Variants in TMEM63A observed in about 807,000 individuals in gnomAD.
TMEM63A encodes the protein transmembrane protein 63A.
TMEM63A carries 76 observed loss-of-function variants against 100.6 expected under a neutral mutation model. That is an observed-to-expected ratio of 0.76 (90% CI 0.63 to 0.91). TMEM63A has a LOEUF of 0.91. TMEM63A is among the 40% of genes least tolerant of loss of function. The probability of loss-of-function intolerance (pLI) is 0.00; values close to 1 mark genes in which losing one functional copy is unlikely to be tolerated. For synonymous variants in TMEM63A, 401 were observed against 401.1 expected (o/e 1.00, Z 0.00); for missense variants, 876 against 1,008.8 (o/e 0.87, Z 1.78).
chr1:225,864,284 T>G (rs1427476241), intron 10 of TMEM63A: 1 of 152,210 alleles, frequency 6.6e-6, no homozygotes, highest in African/African-American at 2.4e-5. Flanking sequence ...AGGGCCTGGA[T>G]GTGCTTACAT....
At chr1:225,845,126 G>A (rs369727842), downstream of TMEM63A, 30 of 1,613,370 alleles carry the variant, frequency 1.9e-5, no homozygotes, top group Admixed American at 6.7e-5. Context: ...TCACCCCTCC[G>A]TCGGCTCTTT....
downstream of TMEM63A, chr1:225,842,590 T>C: frequency 3.6e-6 from 3 of 829,060 alleles, no homozygotes; most frequent in Non-Finnish European, 6.3e-6. Context: ...ATTCTATTGT[T>C]GGCTTTCTTA....
chr1:225,842,574 C>A, downstream of TMEM63A: 1 of 878,926 alleles, frequency 1.1e-6, no homozygotes, highest in Non-Finnish European at 1.9e-6. Context: ...ATGGGGCACT[C>A]AGCAAATTCT....
chr1:225,865,603 G>A lies in TMEM63A; in HGVS notation c.746+294C>T, dbSNP rs975496417. 1.6e-5 allele frequency: 5 copies of A among 321,262 alleles called. No homozygotes were observed. The highest frequency in any genetic ancestry group is 1.9e-3 in the Middle Eastern group (2 of 1,054). 19.9% of individuals were successfully genotyped at this position (321,262 alleles called of 1,614,324 possible). A position where few individuals can be genotyped will look rare whatever the true frequency, so the allele number is the denominator to read the frequency against. On this transcript the variant is annotated intron_variant, in intron 10 of 24. Transcript: ENST00000366835. This position sits in a 1 kb window ranked among gnomAD's most constrained non-coding sequence, Gnocchi z 4.6. ...CCCGGGGTCAACAATTTTTTCCCCC[G>A]TATGCTCTCAAGACGTTTATTCGCA...
chr1:225,853,576 A>AG lies in TMEM63A; in HGVS notation c.1797+52dup, dbSNP rs1247119078. On this transcript the variant is annotated intron_variant, in intron 19 of 24. Coordinates refer to ENST00000366835, the MANE Select transcript of TMEM63A (RefSeq NM_014698.3). This position sits in a 1 kb window ranked among gnomAD's most constrained non-coding sequence, Gnocchi z 4.0. ...GGGTGAGAGGCCCTCGGGTCAGTGAAGGGGGACATGGGAGGGAGTCAGAGG... is the reference window on the plus strand; with the variant it reads ...GGGTGAGAGGCCCTCGGGTCAGTGAAGGGGGGACATGGGAGGGAGTCAGAGG... The AG allele has an allele frequency of 3.1e-5, 46 of 1,478,166 alleles. No individual in the cohort carries two copies. The highest frequency in any genetic ancestry group is 3.8e-5 in the Non-Finnish European group (42 of 1,107,474). The allele number at this position is 1,478,166 out of a possible 1,614,324, so 91.6% of individuals were successfully genotyped here. A position where few individuals can be genotyped will look rare whatever the true frequency, so the allele number is the denominator to read the frequency against.
chr1:225,880,994 G>A (rs937133057), intron 1 of TMEM63A, among the ~76,000 whole-genome samples: 2 of 152,206 alleles, frequency 1.3e-5, no homozygotes, highest in African/African-American at 4.8e-5. Context: ...TGACAATAGC[G>A]AAACTACAAG....
At chr1:225,875,847 T>A (rs1250150386) in intron 3 of TMEM63A, among the ~76,000 whole-genome samples, 2 of 151,806 alleles carry the variant, frequency 1.3e-5, no homozygotes, top group Non-Finnish European at 2.9e-5. Context: ...GTGAATCGCT[T>A]GAGCTCAGGA....
chr1:225,862,836 C>G lies in TMEM63A; in HGVS notation c.762G>C (p.Thr254=). ...ACAGCTGCACATCAACCACCTCACACGTGGGATACGCGTCCCTGTGGCCAG... is the reference window on the plus strand; with the variant it reads ...ACAGCTGCACATCAACCACCTCACAGGTGGGATACGCGTCCCTGTGGCCAG... ...VESHFRDAYP[T]CEVVDVQLCY... is the part of the protein sequence containing the mutation. Residue 254 remains threonine (T), a synonymous_variant, in exon 11 of 25, where the codon ACG becomes ACC. Transcript: ENST00000366835. This position sits in a 1 kb window ranked among gnomAD's most constrained non-coding sequence, Gnocchi z 5.1. 1 of 1,613,850 alleles carries G rather than the reference C, an allele frequency of 6.2e-7. No individual in the cohort carries two copies. Among genetic ancestry groups the G allele is most frequent in the Non-Finnish European group, 8.5e-7 (1 of 1,179,974 alleles).
chr1:225,855,069 T>C (rs12075664), intron 18 of TMEM63A, among the ~76,000 whole-genome samples: 11,867 of 152,266 alleles, frequency 0.078, 594 homozygotes, highest in East Asian at 0.15. Flanking sequence ...GTCACAGTCA[T>C]CAGCTCCCAA....
In TMEM63A at chr1:225,867,985, G is replaced by A. The variant is rs756872597; in HGVS notation, c.417C>T (p.Tyr139=). 1 of 1,614,182 alleles carries A rather than the reference G, an allele frequency of 6.2e-7. No homozygotes were observed. Among genetic ancestry groups the A allele is most frequent in the East Asian group, 2.2e-5 (1 of 44,884 alleles). ...AGATGATGTGCCTCTGGAAGGACAG[G>A]TAGTGGATGGCGTCCTCCCCACACC... The part of the protein sequence containing the change: ...LEWCGEDAIH[Y]LSFQRHIIFL... The change falls in exon 7 of 25, where the codon TAC becomes TAT. Residue 139 remains tyrosine (Y), a synonymous_variant. Transcript: ENST00000366835. This position sits in a 1 kb window ranked among gnomAD's most constrained non-coding sequence, Gnocchi z 4.6.
rs1297564525 is a variant in TMEM63A, at chr1:225,848,962, T to C, written c.2122A>G (p.Ile708Val). 1.3e-6 allele frequency: 2 copies of C among 1,535,972 alleles called. No homozygotes were observed. The highest frequency in any genetic ancestry group is 2.3e-5 in the South Asian group (2 of 87,930). ...LFTFLVLLLT[I>V]LVCLAHTCFG... The stretch of plus-strand genomic sequence containing the variant: ...CAGGTGTGAGCCAGGCAGACCAGGA[T>C]GGTGAGCAGCAGCACCAGGAAGGTG... The change falls in exon 22 of 25, where the codon ATC (isoleucine) becomes GTC (valine). Residue 708 changes from isoleucine to valine, a missense_variant. Around this residue, in one of 5 missense-constraint regions of TMEM63A, gnomAD observed 339 missense variants for 342.3 expected, o/e 0.99. Transcript: ENST00000366835.
In TMEM63A at chr1:225,877,666, G is replaced by C. The variant is rs111823750; in HGVS notation, c.-14-72C>G. On this transcript the variant is annotated intron_variant, in intron 2 of 24. Transcript: ENST00000366835. ...TTCTTGCAGGTTCCCACCAGTGCTG[G>C]CAGAGCCAAAGGCAGGCGTTTCCCA... 7.6e-6 allele frequency: 11 copies of C among 1,453,404 alleles called. No individual in the cohort carries two copies. In the African/African-American group the frequency reaches 9.9e-5, roughly 13 times the overall value. The allele number at this position is 1,453,404 out of a possible 1,614,324, so 90.0% of individuals were successfully genotyped here.
intron 10 of TMEM63A, chr1:225,863,936 A>C (rs1213085919): frequency 1.3e-5 from 2 of 149,846 alleles, no homozygotes; most frequent in African/African-American, 4.9e-5. Context: ...AAAAAAAAAA[A>C]AAAACCCAGC....
chr1:225,864,388 G>T (rs994154099), intron 10 of TMEM63A: 1 of 152,206 alleles, frequency 6.6e-6, no homozygotes, highest in Non-Finnish European at 1.5e-5. Context: ...GAAGAAAACT[G>T]CAATTTAAGC....
chr1:225,869,741 C>T (rs1220489338), intron 6 of TMEM63A, among the ~76,000 whole-genome samples: 8 of 142,122 alleles, frequency 5.6e-5, no homozygotes, highest in African/African-American at 1.0e-4. Context: ...TGGCTCACTG[C>T]GACCTCCGCC....
Position 225,850,008 on chromosome 1 carries a change from G to C in TMEM63A, c.1975C>G (p.Leu659Val). 6.2e-7 allele frequency: 1 copy of C among 1,614,250 alleles called. No individual in the cohort carries two copies. The highest frequency in any genetic ancestry group is 8.5e-7 in the Non-Finnish European group (1 of 1,180,048). ...NLYFVYLPAK[L>V]EKGIHFAAVN... is the part of the protein sequence containing the mutation. ...GCGGCAAAGTGGATCCCCTTCTCCA[G>C]CTTGGCTGGGAGGTAGACGAAGTAG... The change falls in exon 21 of 25, where the codon CTG becomes GTG. Residue 659 changes from leucine to valine, a missense_variant. By Grantham distance (32) the Leu-to-Val change is conservative (BLOSUM62 1). This residue lies in a region of TMEM63A where 339 missense variants were observed against 342.3 expected (regional missense o/e 0.99). Transcript: ENST00000366835.
intron 4 of TMEM63A, among the ~76,000 whole-genome samples, chr1:225,873,095 T>A (rs1371280711): frequency 6.6e-6 from 1 of 152,172 alleles, no homozygotes; most frequent in African/African-American, 2.4e-5. Context: ...GCAGAGACAC[T>A]GTCCCTTTTG....
chr1:225,849,812 G>A, intron 21 of TMEM63A, 100 bp downstream of exon 21: 1 of 1,438,606 alleles, frequency 7.0e-7, no homozygotes, highest in Non-Finnish European at 9.5e-7. Context: ...CTGACTGGAT[G>A]CCATGCTGAT....
intron 23 of TMEM63A, among the ~76,000 whole-genome samples, chr1:225,847,760 T>G (rs1669092646): frequency 6.6e-6 from 1 of 152,296 alleles, no homozygotes; most frequent in Non-Finnish European, 1.5e-5. Flanking sequence ...GGTGTGTCGC[T>G]GGGTAATGAG....
Sources: gnomAD v4.1 joint callset for allele counts (sites outside exome capture counted in the v4.1 genomes callset) on GRCh38, gnomAD v4.1.1 for gene constraint, gnomAD v4.1.1 regional missense constraint, Gnocchi (gnomAD v3.1) non-coding constraint, MANE v1.5 for transcripts, NCBI Gene and HGNC (gene_info 2026-07-23, HGNC 2026-07-21) for gene names.